The following TANGO6 variants were observed in gnomAD, a reference collection of about 807,000 sequenced individuals.
TANGO6 encodes transport and Golgi organization protein 6 homolog.
A neutral mutation model predicts 114.2 loss-of-function variants in TANGO6; 90 were observed. The ratio of observed to expected loss-of-function variants is 0.79; its 90% CI spans 0.66 to 0.94. The LOEUF is 0.94. Among genes scored for constraint, TANGO6 ranks in the 40% least tolerant of loss-of-function variants. The pLI, the probability that TANGO6 is intolerant of heterozygous loss-of-function variation, is 0.00. For missense variants in TANGO6, 1,274 were observed against 1,315.3 expected, an observed-to-expected ratio of 0.97 and a Z score of 0.49; for synonymous variants, 477 against 509.8, an observed-to-expected ratio of 0.94 and a Z score of 0.87.
intron 12 of TANGO6, among the ~76,000 whole-genome samples, chr16:68,919,555 T>C (rs1398680634): frequency 6.6e-6 from 1 of 152,188 alleles, no homozygotes; most frequent in Non-Finnish European, 1.5e-5. Flanking sequence ...AGCCCTTGTT[T>C]CTGCTACTGT....
At chr16:68,849,733 T>C (rs1229498498) in intron 1 of TANGO6, among the ~76,000 whole-genome samples, 1 of 152,132 alleles carries the variant, frequency 6.6e-6, no homozygotes, top group South Asian at 2.1e-4. Context: ...CCAGGAAATA[T>C]GTGGATTTTT....
chr16:68,895,477 G>C (rs1213185807), intron 7 of TANGO6, among the ~76,000 whole-genome samples: 1 of 152,224 alleles, frequency 6.6e-6, no homozygotes, highest in African/African-American at 2.4e-5. Context: ...TACTCTGATA[G>C]GTGCTGAAGA....
intron 15 of TANGO6, 33 bp from the exon 16 acceptor site, chr16:69,022,795 T>C: frequency 6.5e-7 from 1 of 1,549,984 alleles, no homozygotes; most frequent in Non-Finnish European, 8.7e-7. Flanking sequence ...AATTTTGTTT[T>C]AAGGGGTTTT....
At chr16:68,875,996 G>A (rs780528280) in intron 5 of TANGO6, among the ~76,000 whole-genome samples, 7 of 152,052 alleles carry the variant, frequency 4.6e-5, no homozygotes, top group Non-Finnish European at 1.0e-4. Context: ...TACCATTCCT[G>A]TTCTCCAGTC....
At chr16:68,881,387 A>C (rs1203707403) in intron 7 of TANGO6, among the ~76,000 whole-genome samples, 1 of 152,028 alleles carries the variant, frequency 6.6e-6, no homozygotes, top group Non-Finnish European at 1.5e-5. Context: ...GGTGGCACAC[A>C]CCTGTAATCC....
At chr16:69,049,748 T>C (rs553630803) in intron 17 of TANGO6, among the ~76,000 whole-genome samples, 33 of 152,022 alleles carry the variant, frequency 2.2e-4, no homozygotes, top group South Asian at 1.7e-3. Flanking sequence ...CTTTTTTTTT[T>C]TCTTTTTTAT....
chr16:68,905,485 G>A (rs755143755), intron 9 of TANGO6, among the ~76,000 whole-genome samples: 1 of 150,898 alleles, frequency 6.6e-6, no homozygotes, highest in Non-Finnish European at 1.5e-5. Flanking sequence ...GCAGTGAGCC[G>A]AGATTGCGCC....
intron 15 of TANGO6, among the ~76,000 whole-genome samples, chr16:68,978,080 C>G (rs1266014510): frequency 6.6e-6 from 1 of 152,144 alleles, no homozygotes; most frequent in Non-Finnish European, 1.5e-5. Context: ...ACATGCCAGA[C>G]AAGTACACCA....
In TANGO6 at chr16:68,909,398, C is replaced by G. The variant is rs548364009; in HGVS notation, c.1988C>G (p.Thr663Ser). 1 of 1,530,350 alleles carries G rather than the reference C, an allele frequency of 6.5e-7. No individual in the cohort carries two copies. Among genetic ancestry groups the G allele is most frequent in the Admixed American group, 2.0e-5 (1 of 49,060 alleles). 94.8% of individuals were successfully genotyped at this position (1,530,350 alleles called of 1,614,324 possible). Residue 663 changes from threonine to serine, a missense_variant, in exon 11 of 18, where the codon ACT becomes AGT. Physicochemically the swap from Thr to Ser is moderately conservative, Grantham distance 58. Transcript: ENST00000261778. ...RMSEQIFTNV[T>S]QVVDFVAATL... ...TCTGAGCAGATATTCACAAACGTCA[C>G]TCAGGTCAGTAGTTGCCACATTCTG...
chr16:69,020,103 TA>T (rs1251086630), intron 15 of TANGO6, among the ~76,000 whole-genome samples: 1 of 152,162 alleles, frequency 6.6e-6, no homozygotes, highest in East Asian at 1.9e-4. Context: ...TATTTATATA[TA>T]TTTTTTATAC....
At chr16:68,915,789 G>A (rs1962995918) in intron 11 of TANGO6, among the ~76,000 whole-genome samples, 1 of 152,168 alleles carries the variant, frequency 6.6e-6, no homozygotes, top group Non-Finnish European at 1.5e-5. Context: ...CAGAAGACAA[G>A]TGTTAACAAG....
chr16:68,865,298 A>G (rs988385772), intron 3 of TANGO6, among the ~76,000 whole-genome samples: 12 of 151,746 alleles, frequency 7.9e-5, no homozygotes, highest in Non-Finnish European at 1.5e-4. Flanking sequence ...AAAAAATGCA[A>G]TGGTTGACAG....
intron 14 of TANGO6, among the ~76,000 whole-genome samples, chr16:68,945,645 C>G (rs570208255): frequency 1.3e-5 from 2 of 151,674 alleles, no homozygotes; most frequent in African/African-American, 4.8e-5. Flanking sequence ...AGTTCATTGC[C>G]CATTTGTAAA....
chr16:68,974,291 G>A (rs1038246099), intron 15 of TANGO6, 123 bp downstream of exon 15: 1 of 1,097,284 alleles, frequency 9.1e-7, no homozygotes, highest in Non-Finnish European at 1.3e-6. Context: ...GGGCTGGGAT[G>A]TACCCATTTA....
chr16:68,986,846 A>G (rs1038847577), intron 15 of TANGO6, among the ~76,000 whole-genome samples: 1 of 152,132 alleles, frequency 6.6e-6, no homozygotes, highest in Non-Finnish European at 1.5e-5. Flanking sequence ...CAGAGGGTGC[A>G]GTGAGCCAGG....
At chr16:68,921,995 A>T (rs754705149) in intron 12 of TANGO6, among the ~76,000 whole-genome samples, 1 of 152,136 alleles carries the variant, frequency 6.6e-6, no homozygotes, top group Non-Finnish European at 1.5e-5. Context: ...GTATTAGAAA[A>T]AAATGTCATG....
intron 15 of TANGO6, among the ~76,000 whole-genome samples, chr16:68,980,631 T>C (rs539828789): frequency 4.4e-4 from 67 of 151,426 alleles, no homozygotes; most frequent in Middle Eastern, 6.8e-3. Flanking sequence ...GAGGTTGTTA[T>C]GAGTAGCTGG....
At position 69,067,518 on chromosome 16, in the gene TANGO6, CA is replaced by C. The variant is rs1199698790; in HGVS notation, c.3109-15948del. On this transcript the variant is annotated intron_variant, in intron 17 of 17. Transcript: ENST00000261778. The stretch of plus-strand genomic sequence containing the variant: ...AGGCAACAAGAGCAAAACTCCATCT[CA>C]AAAAAAAAAAAAAAAAAACGCTGGG... 4.9e-3 allele frequency among the ~76,000 whole-genome samples: 214 copies of C among 43,724 alleles called. 1 individual carries two copies. Among genetic ancestry groups the C allele is most frequent in the East Asian group, 7.2e-3 (9 of 1,244 alleles). 28.7% of individuals were successfully genotyped at this position (43,724 alleles called of 152,430 possible).
chr16:68,888,471 T>C (rs919347585), intron 7 of TANGO6, among the ~76,000 whole-genome samples: 8 of 152,184 alleles, frequency 5.3e-5, no homozygotes, highest in African/African-American at 1.9e-4. Context: ...ACGTTTCCTT[T>C]TAGTATACTT....
Sources: gnomAD v4.1 joint callset for allele counts (sites outside exome capture counted in the v4.1 genomes callset) on GRCh38, gnomAD v4.1.1 for gene constraint, MANE v1.5 for transcripts, NCBI Gene and HGNC (gene_info 2026-07-23, HGNC 2026-07-21) for gene names.